Variants in ADCY2 observed in about 807,000 individuals in gnomAD.
ADCY2 encodes adenylate cyclase type 2.
A neutral mutation model predicts 125.2 loss-of-function variants in ADCY2; 31 were observed. The ratio of observed to expected loss-of-function variants is 0.25; its 90% CI spans 0.19 to 0.33. The LOEUF (loss-of-function observed/expected upper bound fraction) is 0.33. ADCY2 is among the 10% of genes least tolerant of loss of function. ADCY2 has a pLI of 1.00. For missense variants in ADCY2, 904 were observed against 1,418.2 expected (o/e 0.64, Z 5.82); for synonymous variants, 512 against 548.4 (o/e 0.93, Z 0.93).
At chr5:7,673,644 T>A (rs1482919513) in intron 4 of ADCY2, among the ~76,000 whole-genome samples, 1 of 152,152 alleles carries the variant, frequency 6.6e-6, no homozygotes, top group African/African-American at 2.4e-5. Flanking sequence ...CTCCAGGCTC[T>A]GCCCAACCTC....
chr5:7,456,636 T>C (rs1293877873), intron 2 of ADCY2, among the ~76,000 whole-genome samples: 1 of 152,206 alleles, frequency 6.6e-6, no homozygotes, highest in African/African-American at 2.4e-5. Context: ...TAATATTTAA[T>C]GTGATTCCTA....
chr5:7,557,814 G>T (rs1213510447), intron 3 of ADCY2, among the ~76,000 whole-genome samples: 1 of 152,174 alleles, frequency 6.6e-6, no homozygotes, highest in African/African-American at 2.4e-5. Flanking sequence ...GAATAGTGCT[G>T]CAATGAACAT....
At chr5:7,519,242 T>C (rs540915920) in intron 2 of ADCY2, among the ~76,000 whole-genome samples, 23 of 152,238 alleles carry the variant, frequency 1.5e-4, no homozygotes, top group African/African-American at 5.3e-4. Context: ...AGAAGCCTGG[T>C]TTTCTCCCAG....
chr5:7,418,708 T>G (rs975954705), intron 2 of ADCY2, among the ~76,000 whole-genome samples: 1 of 132,868 alleles, frequency 7.5e-6, no homozygotes, highest in Admixed American at 8.9e-5. Flanking sequence ...CAGGCTGGAG[T>G]GCAGTCGTGC....
At chr5:7,573,692 C>T (rs534717552) in intron 3 of ADCY2, among the ~76,000 whole-genome samples, 112 of 144,406 alleles carry the variant, frequency 7.8e-4, no homozygotes, top group South Asian at 1.8e-3. Flanking sequence ...GGGTCCCGAG[C>T]GGGTAGCAAG....
At chr5:7,585,537 G>T (rs1197478345) in intron 3 of ADCY2, among the ~76,000 whole-genome samples, 4 of 152,200 alleles carry the variant, frequency 2.6e-5, no homozygotes. Context: ...GCAGGCAAAT[G>T]ACACGTTTAA....
At chr5:7,670,662 G>T (rs1739903491) in intron 4 of ADCY2, among the ~76,000 whole-genome samples, 1 of 152,164 alleles carries the variant, frequency 6.6e-6, no homozygotes, top group East Asian at 1.9e-4. Context: ...CAGGGGAGAG[G>T]ATGGTTTTGG....
intron 24 of ADCY2, among the ~76,000 whole-genome samples, chr5:7,822,951 C>A (rs759480853): frequency 6.6e-6 from 1 of 152,210 alleles, no homozygotes; most frequent in African/African-American, 2.4e-5. Context: ...CCAAGACATG[C>A]GAATAGCCTT....
chr5:7,763,428 T>C (rs958291240), intron 16 of ADCY2, among the ~76,000 whole-genome samples: 2 of 152,156 alleles, frequency 1.3e-5, no homozygotes, highest in Non-Finnish European at 2.9e-5. Context: ...TATATATAAA[T>C]AAGGTATATT....
Position 7,707,737 on chromosome 5 carries a change from C to T in ADCY2, c.1300C>T (p.His434Tyr). Residue 434 changes from histidine to tyrosine, a missense_variant, in exon 9 of 25, where the codon CAC becomes TAC. By Grantham distance (83) the His-to-Tyr change is moderately conservative. Coordinates refer to ENST00000338316, the MANE Select transcript of ADCY2 (RefSeq NM_020546.3). The stretch of plus-strand genomic sequence containing the variant: ...TCACATTTCTTCTGTCACCCTGGAG[C>T]ACTTGAATGGCGCTTATAAAGTGGA... ...RVHISSVTLEHLNGAYKVEEG... is the reference protein window; with the variant it reads ...RVHISSVTLEYLNGAYKVEEG... 6.2e-7 allele frequency: 1 copy of T among 1,614,080 alleles called. No individual in the cohort carries two copies. The highest frequency in any genetic ancestry group is 8.5e-7 in the Non-Finnish European group (1 of 1,179,990).
At chr5:7,678,610 G>C (rs537397327) in intron 4 of ADCY2, among the ~76,000 whole-genome samples, 5 of 152,230 alleles carry the variant, frequency 3.3e-5, no homozygotes, top group South Asian at 4.2e-4. Context: ...AGACACATAG[G>C]TGTTCAACAG....
At position 7,826,046 on chromosome 5, in the gene ADCY2, A is replaced by G. The variant is rs561217633; in HGVS notation, c.3124-673A>G. Among the ~76,000 whole-genome samples the G allele has an allele frequency of 3.9e-5, 6 of 152,346 alleles. No individual in the cohort carries two copies. The South Asian group carries it at 1.0e-3, about 26-fold the overall frequency. On this transcript the variant is annotated intron_variant, in intron 24 of 24. Transcript: ENST00000338316. ...GCTGCCCTCCTTAGCCCCCGTTTCA[A>G]TGCAGTGAAGCGAGGAGACCTTTGA...
intron 15 of ADCY2, among the ~76,000 whole-genome samples, chr5:7,744,770 T>G (rs1391556854): frequency 3.9e-5 from 6 of 152,258 alleles, no homozygotes; most frequent in African/African-American, 1.4e-4. Flanking sequence ...TTAATAAAAA[T>G]TTTTACATGA....
chr5:7,766,957 C>G (rs996755025), intron 17 of ADCY2, 151 bp downstream of exon 17: 1 of 1,065,408 alleles, frequency 9.4e-7, no homozygotes, highest in Admixed American at 3.0e-5. Flanking sequence ...CAAATGTCAG[C>G]CTCTGCTAGA....
intron 3 of ADCY2, among the ~76,000 whole-genome samples, chr5:7,620,356 A>G (rs1293082454): frequency 2.6e-5 from 4 of 152,122 alleles, no homozygotes; most frequent in Non-Finnish European, 5.9e-5. Context: ...CCCTAATAAC[A>G]TCCATTGTTG....
At chr5:7,483,415 A>G (rs1432607023) in intron 2 of ADCY2, among the ~76,000 whole-genome samples, 1 of 149,948 alleles carries the variant, frequency 6.7e-6, no homozygotes, top group African/African-American at 2.5e-5. Flanking sequence ...ACTGCAGTAC[A>G]TAAAAAAAAA....
At chr5:7,631,674 A>G (rs1003629485) in intron 4 of ADCY2, among the ~76,000 whole-genome samples, 3 of 152,180 alleles carry the variant, frequency 2.0e-5, no homozygotes, top group East Asian at 3.9e-4. Context: ...ATGCACTAAC[A>G]TGAAGCAACA....
chr5:7,683,170 G>T (rs1740397347), intron 4 of ADCY2, among the ~76,000 whole-genome samples: 1 of 152,186 alleles, frequency 6.6e-6, no homozygotes, highest in African/African-American at 2.4e-5. Flanking sequence ...CCTTGCCAAG[G>T]CTCAACCTCC....
At chr5:7,581,395 A>G (rs1425427788) in intron 3 of ADCY2, among the ~76,000 whole-genome samples, 1 of 152,202 alleles carries the variant, frequency 6.6e-6, no homozygotes, top group Admixed American at 6.5e-5. Flanking sequence ...TTAGGTGTAC[A>G]ATATTAATTC....
Sources: allele counts gnomAD v4.1 joint callset (sites outside exome capture counted in the v4.1 genomes callset), GRCh38; gene constraint gnomAD v4.1.1; transcripts MANE v1.5; gene names NCBI Gene and HGNC (gene_info 2026-07-23, HGNC 2026-07-21).